The following ITPR2 variants were observed in gnomAD, a reference collection of about 807,000 sequenced individuals.
ITPR2 encodes the protein inositol 1,4,5-trisphosphate-gated calcium channel ITPR2.
In ITPR2, 207 loss-of-function variants were observed where a neutral mutation model predicts 317.1. That is an observed-to-expected ratio of 0.65 (90% CI 0.58 to 0.73). ITPR2 has a LOEUF of 0.73. Ranked by LOEUF, ITPR2 falls within the 30% of genes least tolerant of loss-of-function variation. The pLI, the probability that ITPR2 is intolerant of heterozygous loss-of-function variation, is 0.00. For missense variants in ITPR2, 2,613 were observed against 3,284.0 expected, an observed-to-expected ratio of 0.80 and a Z score of 4.99; for synonymous variants, 1,156 against 1,149.1, an observed-to-expected ratio of 1.01 and a Z score of -0.12.
rs555699968 is a variant in ITPR2 at position 26,656,431 on chromosome 12, C to T, written c.2310G>A (p.Leu770=). 1.2e-6 allele frequency: 2 copies of T among 1,614,214 alleles called. No homozygotes were observed. Among genetic ancestry groups the T allele is most frequent in the African/African-American group, 2.7e-5 (2 of 75,058 alleles). The change falls in exon 19 of 57, where the codon CTG becomes CTA. Residue 770 remains leucine (L), a synonymous_variant. Coordinates refer to ENST00000381340, the MANE Select transcript of ITPR2 (RefSeq NM_002223.4). ...LILRCVSDES[L]PFDLRASFCR... Reference sequence around the variant, plus strand: ...AGAAGGACGCTCGGAGGTCGAACGGCAGGCTCTCATCCGACACACACCGCA... The same window carrying T: ...AGAAGGACGCTCGGAGGTCGAACGGTAGGCTCTCATCCGACACACACCGCA...
At chr12:26,484,803 C>T (rs1942628685) in intron 41 of ITPR2, among the ~76,000 whole-genome samples, 1 of 152,154 alleles carries the variant, frequency 6.6e-6, no homozygotes, top group African/African-American at 2.4e-5. Context: ...GCTCCGCCTC[C>T]CGGGTTCACG....
chr12:26,781,858 C>T (rs1950082693), intron 2 of ITPR2, among the ~76,000 whole-genome samples: 1 of 151,754 alleles, frequency 6.6e-6, no homozygotes, highest in East Asian at 1.9e-4. Flanking sequence ...GCTAGACTGG[C>T]TTAGCCTCCC....
chr12:26,520,338 G>C (rs1943630829), intron 37 of ITPR2, among the ~76,000 whole-genome samples: 1 of 152,154 alleles, frequency 6.6e-6, no homozygotes, highest in Non-Finnish European at 1.5e-5. Context: ...CTCCAGGAAG[G>C]AAGAAGAGAC....
intron 37 of ITPR2, among the ~76,000 whole-genome samples, chr12:26,541,001 T>C (rs916821920): frequency 4.6e-5 from 7 of 152,026 alleles, no homozygotes; most frequent in African/African-American, 1.4e-4. Context: ...CTTAGCGACA[T>C]AGCACATGTG....
intron 37 of ITPR2, among the ~76,000 whole-genome samples, chr12:26,509,812 T>C (rs1250397970): frequency 6.6e-6 from 1 of 152,098 alleles, no homozygotes; most frequent in Non-Finnish European, 1.5e-5. Flanking sequence ...TTTCCATGGA[T>C]ACCTCACACT....
intron 13 of ITPR2, among the ~76,000 whole-genome samples, chr12:26,671,974 G>T (rs1947784016): frequency 6.6e-6 from 1 of 152,116 alleles, no homozygotes; most frequent in South Asian, 2.1e-4. Flanking sequence ...TAATGGTAAA[G>T]GGATCAATTC....
chr12:26,723,806 T>C (rs189612703), intron 4 of ITPR2, among the ~76,000 whole-genome samples: 14 of 152,326 alleles, frequency 9.2e-5, no homozygotes, highest in Admixed American at 2.6e-4. Flanking sequence ...GTCCTCTTTA[T>C]GAGCACACAT....
chr12:26,537,378 G>A (rs943353673), intron 37 of ITPR2, among the ~76,000 whole-genome samples: 1 of 152,174 alleles, frequency 6.6e-6, no homozygotes, highest in African/African-American at 2.4e-5. Flanking sequence ...CATACACCAG[G>A]GTGGTAGATG....
At chr12:26,433,171 A>G (rs574927376) in intron 48 of ITPR2, among the ~76,000 whole-genome samples, 3 of 152,278 alleles carry the variant, frequency 2.0e-5, no homozygotes, top group East Asian at 3.9e-4. Context: ...TAACCAGATG[A>G]CCCAGACATA....
At chr12:26,674,182 T>C (rs1394769007) in intron 13 of ITPR2, among the ~76,000 whole-genome samples, 2 of 145,556 alleles carry the variant, frequency 1.4e-5, no homozygotes, top group Admixed American at 6.9e-5. Context: ...CTTCACAGAA[T>C]TGGAAAAAAC....
Position 26,725,645 on chromosome 12 carries a change from C to T in ITPR2, c.279+5G>A, listed in dbSNP as rs1196839567. ...AAGCCAGACAATTGGAATCCTGGTC[C>T]TTACCTGTAGTTTCTTCAGCAAGGC... On this transcript the variant is annotated splice_donor_5th_base_variant and intron_variant, in intron 3 of 56. Transcript: ENST00000381340. 15 of 1,600,286 alleles carry T rather than the reference C, an allele frequency of 9.4e-6. No individual in the cohort carries two copies. The Admixed American group carries it at 2.5e-4, about 27-fold the overall frequency.
chr12:26,356,468 T>C (rs1051671643), intron 55 of ITPR2, among the ~76,000 whole-genome samples: 1 of 152,220 alleles, frequency 6.6e-6, no homozygotes, highest in African/African-American at 2.4e-5. Context: ...GGATCCTGGC[T>C]CTTTTCAAAT....
intron 54 of ITPR2, among the ~76,000 whole-genome samples, chr12:26,391,489 G>A (rs1413671226): frequency 6.7e-6 from 1 of 149,050 alleles, no homozygotes; most frequent in Non-Finnish European, 1.5e-5. Context: ...ACAACGGCAA[G>A]CTTTAAACTC....
intron 49 of ITPR2, among the ~76,000 whole-genome samples, chr12:26,425,457 A>G (rs1264981246): frequency 6.6e-6 from 1 of 152,062 alleles, no homozygotes; most frequent in Middle Eastern, 3.2e-3. Flanking sequence ...TCATGAGGTC[A>G]GGAGATCAAG....
At chr12:26,829,069 A>C (rs1456205026) in intron 1 of ITPR2, among the ~76,000 whole-genome samples, 1 of 152,208 alleles carries the variant, frequency 6.6e-6, no homozygotes, top group African/African-American at 2.4e-5. Context: ...TTAGAAATTA[A>C]ATGAGCCTTT....
At chr12:26,608,005 C>T (rs1035635578) in intron 26 of ITPR2, among the ~76,000 whole-genome samples, 1 of 152,126 alleles carries the variant, frequency 6.6e-6, no homozygotes, top group Non-Finnish European at 1.5e-5. Context: ...CCTGTAGTCC[C>T]GGCTACTCGG....
At chr12:26,541,628 T>C (rs193172979) in intron 37 of ITPR2, among the ~76,000 whole-genome samples, 200 of 152,310 alleles carry the variant, frequency 1.3e-3, no homozygotes, top group Non-Finnish European at 1.7e-3. Flanking sequence ...GAAATGAGTA[T>C]ATGCATAGAT....
chr12:26,487,609 T>C (rs1942701981), intron 39 of ITPR2, among the ~76,000 whole-genome samples: 1 of 152,220 alleles, frequency 6.6e-6, no homozygotes, highest in African/African-American at 2.4e-5. Context: ...ATGTATGTAT[T>C]GAGTGCCTAC....
chr12:26,819,975 G>A (rs1233673854), intron 1 of ITPR2, among the ~76,000 whole-genome samples: 1 of 152,196 alleles, frequency 6.6e-6, no homozygotes, highest in African/African-American at 2.4e-5. Flanking sequence ...AGAGGCTGAG[G>A]CAGGAGAATT....
Sources: allele counts gnomAD v4.1 joint callset (sites outside exome capture counted in the v4.1 genomes callset), GRCh38; gene constraint gnomAD v4.1.1; transcripts MANE v1.5; gene names NCBI Gene and HGNC (gene_info 2026-07-23, HGNC 2026-07-21).